The following GPBP1L1 variants were observed in gnomAD, a reference collection of about 807,000 sequenced individuals.
GPBP1L1 encodes vasculin-like protein 1.
GPBP1L1 carries 23 observed loss-of-function variants against 52.5 expected under a neutral mutation model. The ratio of observed to expected loss-of-function variants is 0.44; its 90% CI spans 0.32 to 0.62. GPBP1L1 has a LOEUF of 0.62. Ranked by LOEUF, GPBP1L1 falls within the 20% of genes least tolerant of loss-of-function variation. The probability of loss-of-function intolerance (pLI) is 0.06; values close to 1 mark genes in which losing one functional copy is unlikely to be tolerated. For synonymous variants in GPBP1L1, 243 were observed against 203.1 expected, an observed-to-expected ratio of 1.20 and a Z score of -1.67; for missense variants, 596 against 579.3, an observed-to-expected ratio of 1.03 and a Z score of -0.30.
intron 6 of GPBP1L1, among the ~76,000 whole-genome samples, chr1:45,645,378 A>T (rs1036651888): frequency 5.3e-5 from 8 of 152,170 alleles, no homozygotes; most frequent in Non-Finnish European, 1.2e-4. Flanking sequence ...CGGAACATCT[A>T]TTTTACGTTT....
Position 45,627,610 on chromosome 1 carries a change from T to C in GPBP1L1, c.*646A>G, listed in dbSNP as rs773491091. Reference sequence around the variant, plus strand: ...AATGTTATCAAAATAATCTTAATCTTTGAAATCTCACAAAAATTTATATTT... The same window carrying C: ...AATGTTATCAAAATAATCTTAATCTCTGAAATCTCACAAAAATTTATATTT... On this transcript the variant is annotated 3_prime_UTR_variant, in exon 13 of 13. Coordinates refer to ENST00000355105, the MANE Select transcript of GPBP1L1 (RefSeq NM_021639.5). The C allele has an allele frequency of 1.3e-5, 2 of 152,512 alleles. No homozygotes were observed. Among genetic ancestry groups the C allele is most frequent in the Non-Finnish European group, 2.9e-5 (2 of 68,030 alleles). The allele number at this position is 152,512 out of a possible 1,614,324, so 9.4% of individuals were successfully genotyped here.
rs1230513694 is a variant in GPBP1L1 at position 45,630,569 on chromosome 1, C to A, written c.1082G>T (p.Gly361Val). 3.7e-6 allele frequency: 6 copies of A among 1,613,910 alleles called. No individual in the cohort carries two copies. The Admixed American group carries it at 1.0e-4, about 27-fold the overall frequency. ...DNSTPEPKEN[G>V]EEGCHQNGLA... ...ACCATTTTGATGACAGCCTTCCTCC[C>A]CATTTTCCTTTGGTTCAGGTGTGCT... The change falls in exon 11 of 13, where the codon GGG (glycine) becomes GTG (valine). Residue 361 changes from glycine (G) to valine (V), a missense_variant. Physicochemically the swap from Gly to Val is moderately radical, Grantham distance 109. Coordinates refer to ENST00000355105, the MANE Select transcript of GPBP1L1 (RefSeq NM_021639.5).
At chr1:45,661,457 CTT>C (rs201763349) in intron 2 of GPBP1L1, among the ~76,000 whole-genome samples, 31 of 142,100 alleles carry the variant, frequency 2.2e-4, no homozygotes, top group Admixed American at 2.1e-4. Flanking sequence ...AGAGTTTGCT[CTT>C]TTTTTTTTTT....
rs750433919 is a variant in GPBP1L1 at position 45,640,211 on chromosome 1, T to G, written c.743A>C (p.Lys248Thr). Residue 248 changes from lysine to threonine, a missense_variant and splice_region_variant, in exon 8 of 13, where the codon AAG (lysine) becomes ACG (threonine). Coordinates refer to ENST00000355105, the MANE Select transcript of GPBP1L1 (RefSeq NM_021639.5). ...TCTTGCCCTGATTCTAAATCATACCTTGGAAGGAGGTGGTACAGGCTTAGG... is the reference window on the plus strand; with the variant it reads ...TCTTGCCCTGATTCTAAATCATACCGTGGAAGGAGGTGGTACAGGCTTAGG... ...LVPKPVPPPS[K>T]PNAWKANRME... 1.9e-6 allele frequency: 3 copies of G among 1,611,132 alleles called. No individual in the cohort carries two copies. The highest frequency in any genetic ancestry group is 3.3e-5 in the Admixed American group (2 of 59,968).
At chr1:45,686,767 G>C (rs1001990501), upstream of GPBP1L1, 2 of 152,484 alleles carry the variant, frequency 1.3e-5, no homozygotes, top group Admixed American at 6.5e-5. Flanking sequence ...TTCGCCGCTT[G>C]AGGCGGCGCA....
At chr1:45,629,233 A>C (rs75420580) in intron 12 of GPBP1L1, among the ~76,000 whole-genome samples, 14,705 of 152,278 alleles carry the variant, frequency 0.097, 865 homozygotes, top group Non-Finnish European at 0.14. Context: ...CAGATCAGGA[A>C]GCAGAGGAAG....
chr1:45,669,152 C>T (rs1645045049), intron 2 of GPBP1L1, among the ~76,000 whole-genome samples: 1 of 152,178 alleles, frequency 6.6e-6, no homozygotes, highest in Non-Finnish European at 1.5e-5. Context: ...TTAAGTTTGG[C>T]TCAAATACAG....
chr1:45,645,133 T>C (rs907037416), intron 6 of GPBP1L1, among the ~76,000 whole-genome samples: 4 of 152,218 alleles, frequency 2.6e-5, no homozygotes, highest in African/African-American at 9.6e-5. Flanking sequence ...TTCTTTGTTA[T>C]CTAGTTTGAA....
At chr1:45,664,052 G>A (rs1644978706) in intron 2 of GPBP1L1, among the ~76,000 whole-genome samples, 1 of 152,146 alleles carries the variant, frequency 6.6e-6, no homozygotes, top group African/African-American at 2.4e-5. Flanking sequence ...AATTTCTTGG[G>A]CCAGGCGCGG....
At chr1:45,677,468 C>T (rs567398620) in intron 2 of GPBP1L1, among the ~76,000 whole-genome samples, 4 of 152,180 alleles carry the variant, frequency 2.6e-5, no homozygotes, top group Admixed American at 2.0e-4. Context: ...TGCCACTACA[C>T]TCCAGCCTGT....
At chr1:45,657,439 G>A (rs1470942920) in intron 4 of GPBP1L1, among the ~76,000 whole-genome samples, 2 of 152,138 alleles carry the variant, frequency 1.3e-5, no homozygotes, top group Admixed American at 6.5e-5. Flanking sequence ...GGGAGGATGA[G>A]GTAGGAGGAT....
intron 6 of GPBP1L1, chr1:45,651,314 G>A (rs547341820): frequency 5.2e-6 from 2 of 384,132 alleles, no homozygotes; most frequent in South Asian, 4.2e-5. Context: ...ACGACACAGG[G>A]CAGGTAGGAA....
At chr1:45,656,854 T>C (rs369251231) in intron 4 of GPBP1L1, among the ~76,000 whole-genome samples, 1 of 147,310 alleles carries the variant, frequency 6.8e-6, no homozygotes, top group Non-Finnish European at 1.5e-5. Flanking sequence ...GTTTTTTTTT[T>C]AAATTTTTCT....
At chr1:45,678,262 G>C (rs996943368) in intron 2 of GPBP1L1, among the ~76,000 whole-genome samples, 3 of 152,108 alleles carry the variant, frequency 2.0e-5, no homozygotes, top group South Asian at 2.1e-4. Flanking sequence ...CCACTAAATC[G>C]AACACTTTAA....
chr1:45,687,647 T>C (rs982158220), upstream of GPBP1L1: 2 of 152,270 alleles, frequency 1.3e-5, no homozygotes, highest in African/African-American at 4.8e-5. Flanking sequence ...ATGATCTGAC[T>C]TTCCGAACCA....
intron 2 of GPBP1L1, among the ~76,000 whole-genome samples, chr1:45,682,179 TTAAC>T (rs1645219337): frequency 6.6e-6 from 1 of 152,194 alleles, no homozygotes; most frequent in Non-Finnish European, 1.5e-5. Context: ...TACTTTCAAA[TTAAC>T]TAAACAGCCC....
rs1402645043 is a variant in GPBP1L1, at chr1:45,640,317, C to T, written c.637G>A (p.Ala213Thr). ...KEDPAAAFSA[A>T]FTSPGSHHAN... ...TGGTGAGATCCTGGTGAGGTGAATG[C>T]AGCAGAGAAGGCAGCAGCAGGATCC... The change falls in exon 8 of 13, where the codon GCA (alanine) becomes ACA (threonine). Residue 213 changes from alanine (A) to threonine (T), a missense_variant. Physicochemically the swap from Ala to Thr is moderately conservative, Grantham distance 58. Coordinates refer to ENST00000355105, the MANE Select transcript of GPBP1L1 (RefSeq NM_021639.5). The T allele has an allele frequency of 6.2e-7, 1 of 1,614,050 alleles. No individual in the cohort carries two copies. Among genetic ancestry groups the T allele is most frequent in the East Asian group, 2.2e-5 (1 of 44,874 alleles).
chr1:45,633,740 C>T (rs776343748), intron 9 of GPBP1L1, 93 bp from the exon 10 acceptor site: 27 of 1,278,238 alleles, frequency 2.1e-5, no homozygotes, highest in Non-Finnish European at 2.9e-5. Context: ...AATCTGGTAG[C>T]CTATTTATCA....
chr1:45,665,795 AT>A (rs1195429791), intron 2 of GPBP1L1, among the ~76,000 whole-genome samples: 3 of 149,406 alleles, frequency 2.0e-5, no homozygotes, highest in African/African-American at 7.4e-5. Flanking sequence ...TGTTTATTTC[AT>A]TACTTCTTTT....
Sources: allele counts gnomAD v4.1 joint callset (sites outside exome capture counted in the v4.1 genomes callset), GRCh38; gene constraint gnomAD v4.1.1; transcripts MANE v1.5; gene names NCBI Gene and HGNC (gene_info 2026-07-23, HGNC 2026-07-21).